ELMO3: variants seen among roughly 807,000 people sequenced by gnomAD.
The protein encoded by ELMO3 is engulfment and cell motility protein 3.
ELMO3 carries 81 observed loss-of-function variants against 89.0 expected under a neutral mutation model. The ratio of observed to expected loss-of-function variants is 0.91; its 90% confidence interval spans 0.76 to 1.09. The LOEUF is 1.09. Ranked by LOEUF, ELMO3 falls within the 50% of genes least tolerant of loss-of-function variation. ELMO3 has a pLI of 0.00. For missense variants in ELMO3, 959 were observed against 972.8 expected, an observed-to-expected ratio of 0.99 and a Z score of 0.19; for synonymous variants, 406 against 400.6, an observed-to-expected ratio of 1.01 and a Z score of -0.16.
Position 67,199,742 on chromosome 16 carries a change from T to G in ELMO3, c.178T>G (p.Tyr60Asp). ...GCAGTTTGCGGATGGGCACCGGAGA[T>G]ACATCACCGAGAATGTGAGTCCCCT... ...ALQFADGHRR[Y>D]ITENNRAEIK... is the part of the protein sequence containing the mutation. The change falls in exon 3 of 20, where the codon TAC becomes GAC. Residue 60 changes from tyrosine (Y) to aspartate (D), a missense_variant. Transcript: ENST00000393997. 6.2e-7 allele frequency: 1 copy of G among 1,611,100 alleles called. No homozygotes were observed. The highest frequency in any genetic ancestry group is 8.5e-7 in the Non-Finnish European group (1 of 1,179,704).
At position 67,202,384 on chromosome 16, in the gene ELMO3, C is replaced by G; in HGVS notation, c.1262-13C>G. ...CACTTTCTCCCTGAGCCCCTCCTGCCCCCCCACTCCAGGCTCTGAGACAGC... is the reference window on the plus strand; with the variant it reads ...CACTTTCTCCCTGAGCCCCTCCTGCGCCCCCACTCCAGGCTCTGAGACAGC... On this transcript the variant is annotated splice_polypyrimidine_tract_variant and intron_variant, in intron 13 of 19. Transcript: ENST00000393997. The G allele has an allele frequency of 6.2e-7, 1 of 1,613,730 alleles. No individual in the cohort carries two copies. The highest frequency in any genetic ancestry group is 8.5e-7 in the Non-Finnish European group (1 of 1,180,006).
intron 7 of ELMO3, 30 bp downstream of exon 7, chr16:67,200,838 A>G (rs73586989): frequency 0.074 from 118,811 of 1,613,150 alleles, 6,341 homozygotes; most frequent in African/African-American, 0.27. Flanking sequence ...GTCCAGATGC[A>G]GGGAGCAGGG....
chr16:67,201,992 C>T lies in ELMO3; in HGVS notation c.1066C>T (p.Gln356Ter), dbSNP rs776713369. The change falls in exon 12 of 20, where the codon CAG (glutamine) becomes TAG (stop). Residue 356 changes from glutamine (Q) to a stop codon, truncating the protein, a stop_gained. Transcript: ENST00000393997. LOFTEE classifies it high-confidence loss of function. ...KLGFSNSNPA[Q>*]DLERVPPGLL... ...CTTCCCCCAGAACAGCAACCCAGCA[C>T]AGGACCTGGAGCGCGTGCCCCCCGG... 6.2e-7 allele frequency: 1 copy of T among 1,613,308 alleles called. No homozygotes were observed.
Position 67,200,747 on chromosome 16 carries a change from G to T in ELMO3, c.604G>T (p.Ala202Ser), listed in dbSNP as rs1406943289. ...LLESVTLSSP[A>S]LGQLVKSEVP... ...GGAGAGTGTGACCTTGAGCAGCCCAGCCCTGGGCCAGCTGGTCAAGAGCGA... is the reference window on the plus strand; with the variant it reads ...GGAGAGTGTGACCTTGAGCAGCCCATCCCTGGGCCAGCTGGTCAAGAGCGA... The change falls in exon 7 of 20, where the codon GCC becomes TCC. Residue 202 changes from alanine to serine, a missense_variant. Ala to Ser is a moderately conservative substitution (Grantham distance 99). Transcript: ENST00000393997. 1.9e-6 allele frequency: 3 copies of T among 1,613,682 alleles called. No homozygotes were observed. The highest frequency in any genetic ancestry group is 2.5e-6 in the Non-Finnish European group (3 of 1,180,000).
chr16:67,200,571 C>CAG (rs1436837875), intron 6 of ELMO3, 21 bp downstream of exon 6: 2 of 1,613,222 alleles, frequency 1.2e-6, no homozygotes, highest in East Asian at 4.5e-5. Context: ...TTTCCTAGGG[C>CAG]AGCGGGTGGG....
At chr16:67,199,476 G>GGGCCCCCCCCCCCCCCCCC in intron 1 of ELMO3, 72 bp downstream of exon 1, 1 of 1,503,588 alleles carries the variant, frequency 6.7e-7, no homozygotes, top group Non-Finnish European at 9.0e-7. Flanking sequence ...CCTCGGGGCA[G>GGGCCCCCCCCCCCCCCCCC]CCCGCCCCAC....
In ELMO3 at chr16:67,199,244, CCCAGGGGCCCCAGG is replaced by C; in HGVS notation, c.-77_-64del. The C allele has an allele frequency of 6.2e-7, 1 of 1,611,398 alleles. No individual in the cohort carries two copies. The highest frequency in any genetic ancestry group is 1.1e-5 in the South Asian group (1 of 90,880). On this transcript the variant is annotated 5_prime_UTR_variant, in exon 1 of 20. Coordinates refer to ENST00000393997, the MANE Select transcript of ELMO3 (RefSeq NM_024712.5). The stretch of plus-strand genomic sequence containing the variant: ...CTCGGAAAGGGAGGACCTCCTCGTC[CCCAGGGGCCCCAGG>C]CCAGGTGCACCCTTGGCCGCAGGTG...
At position 67,201,587 on chromosome 16, in the gene ELMO3, T is replaced by A; in HGVS notation, c.863T>A (p.Leu288His). 1.9e-6 allele frequency: 3 copies of A among 1,613,950 alleles called. No individual in the cohort carries two copies. Among genetic ancestry groups the A allele is most frequent in the South Asian group, 1.1e-5 (1 of 91,090 alleles). The change falls in exon 10 of 20, where the codon CTC (leucine) becomes CAC (histidine). Residue 288 changes from leucine (L) to histidine (H), a missense_variant. Physicochemically the swap from Leu to His is moderately conservative, Grantham distance 99. Coordinates refer to ENST00000393997, the MANE Select transcript of ELMO3 (RefSeq NM_024712.5). The part of the protein sequence containing the change: ...MAHHLYVLQA[L>H]MLGLLEPRMR... ...CATCACCTGTACGTACTGCAGGCTC[T>A]CATGCTGGGGCTGCTGGAGCCGCGC... is the stretch of plus-strand genomic sequence containing the variant.
chr16:67,199,233 A>C lies in ELMO3; in HGVS notation c.-94A>C, dbSNP rs770618351. On this transcript the variant is annotated 5_prime_UTR_variant, in exon 1 of 20. Coordinates refer to ENST00000393997, the MANE Select transcript of ELMO3 (RefSeq NM_024712.5). ...CGAGGTCAGGTCTCGGAAAGGGAGG[A>C]CCTCCTCGTCCCCAGGGGCCCCAGG... 6.2e-7 allele frequency: 1 copy of C among 1,611,166 alleles called. No homozygotes were observed. Among genetic ancestry groups the C allele is most frequent in the South Asian group, 1.1e-5 (1 of 90,824 alleles).
chr16:67,201,349 G>C, intron 8 of ELMO3, 36 bp from the exon 9 acceptor site: 2 of 1,610,290 alleles, frequency 1.2e-6, no homozygotes, highest in Non-Finnish European at 1.7e-6. Context: ...GAGCCACCGC[G>C]CCCAGCCTAA....
In ELMO3 at chr16:67,200,523, G is replaced by A. The variant is rs2033076316; in HGVS notation, c.486G>A (p.Glu162=). 2 of 1,613,664 alleles carry A rather than the reference G, an allele frequency of 1.2e-6. No individual in the cohort carries two copies. The highest frequency in any genetic ancestry group is 1.1e-5 in the South Asian group (1 of 91,076). Residue 162 remains glutamate, a synonymous_variant, in exon 6 of 20, where the codon GAG becomes GAA. Transcript: ENST00000393997. ...TGGAGCACGGCGTGGTGTCCTGGGAGACTCTGAGCATCCCCTTTGTGAGGA... is the reference window on the plus strand; with the variant it reads ...TGGAGCACGGCGTGGTGTCCTGGGAAACTCTGAGCATCCCCTTTGTGAGGA... ...ELMEHGVVSW[E]TLSIPFVRKV... is the part of the protein sequence containing the mutation.
rs1421431661 is a variant in ELMO3 at position 67,200,015 on chromosome 16, C to T, written c.243+14C>T. 4 of 1,613,328 alleles carry T rather than the reference C, an allele frequency of 2.5e-6. No homozygotes were observed. The highest frequency in any genetic ancestry group is 2.2e-5 in the South Asian group (2 of 91,056). On this transcript the variant is annotated intron_variant, in intron 4 of 19. Coordinates refer to ENST00000393997, the MANE Select transcript of ELMO3 (RefSeq NM_024712.5). The stretch of plus-strand genomic sequence containing the variant: ...AGCACGGCCCCAGTAATGCCCCTCC[C>T]GTCCCGCCTTCCCCATCCCTGCCCC...
Position 67,202,676 on chromosome 16 carries a change from C to T in ELMO3, c.1448C>T (p.Pro483Leu), listed in dbSNP as rs774445352. The T allele has an allele frequency of 3.1e-6, 5 of 1,613,678 alleles. No homozygotes were observed. The East Asian group carries it at 8.9e-5, about 29-fold the overall frequency. Residue 483 changes from proline (P) to leucine (L), a missense_variant, in exon 15 of 20, where the codon CCC (proline) becomes CTC (leucine). Transcript: ENST00000393997. Reference protein sequence around the residue: ...EQLARTLALKPTSLELFRTKV... With the variant: ...EQLARTLALKLTSLELFRTKV... ...CTGGCCCGCACTCTGGCCCTGAAGC[C>T]CACTTCCCTGGAGCTCTTCCGAACC...
chr16:67,201,447 T>A lies in ELMO3; in HGVS notation c.795+12T>A. On this transcript the variant is annotated intron_variant, in intron 9 of 19. Transcript: ENST00000393997. Reference sequence around the variant, plus strand: ...AGTTCATCTATAAGGTAGGAAGTGGTGGGCCAGGGGGACCTCTCTGCCCCT... The same window carrying A: ...AGTTCATCTATAAGGTAGGAAGTGGAGGGCCAGGGGGACCTCTCTGCCCCT... The A allele has an allele frequency of 1.2e-6, 2 of 1,614,026 alleles. No individual in the cohort carries two copies. Among genetic ancestry groups the A allele is most frequent in the Non-Finnish European group, 1.7e-6 (2 of 1,180,004 alleles).
At position 67,202,750 on chromosome 16, in the gene ELMO3, G is replaced by C. The variant is rs780304197; in HGVS notation, c.1522G>C (p.Glu508Gln). 2 of 1,613,590 alleles carry C rather than the reference G, an allele frequency of 1.2e-6. No individual in the cohort carries two copies. The highest frequency in any genetic ancestry group is 1.7e-5 in the Admixed American group (1 of 60,014). ...YGEVLRLRQT[E>Q]RLHQEGTLAP... ...GGAGGTGCTGCGGCTGCGGCAGACT[G>C]AACGGCTGCACCAGGAGGGCACACT... Residue 508 changes from glutamate (E) to glutamine (Q), a missense_variant, in exon 15 of 20, where the codon GAA becomes CAA. Transcript: ENST00000393997.
rs1479188425 is a variant in ELMO3, at chr16:67,199,415, T to G, written c.78+11T>G. 1 of 1,603,114 alleles carries G rather than the reference T, an allele frequency of 6.2e-7. No individual in the cohort carries two copies. The highest frequency in any genetic ancestry group is 1.1e-5 in the South Asian group (1 of 91,024). On this transcript the variant is annotated intron_variant, in intron 1 of 19. Coordinates refer to ENST00000393997, the MANE Select transcript of ELMO3 (RefSeq NM_024712.5). Reference sequence around the variant, plus strand: ...ATCCAGCTGGACCAGGTCACCCGGCTGGTCCCGCCTCCATCTGCCCCACTG... The same window carrying G: ...ATCCAGCTGGACCAGGTCACCCGGCGGGTCCCGCCTCCATCTGCCCCACTG...
At chr16:67,202,823 C>T (rs763969901) in intron 15 of ELMO3, 33 bp downstream of exon 15, 13 of 1,611,786 alleles carry the variant, frequency 8.1e-6, no homozygotes, top group Admixed American at 1.7e-5. Context: ...TCAGTCCTAG[C>T]CCTACCTTCC....
rs780853368 is a variant in ELMO3, at chr16:67,201,884, C to T, written c.1050+11C>T. ...AAACTGGGCTTTTCTGTGAGTATCA[C>T]CCCTACCCAACTCCCCACCCCTGCC... On this transcript the variant is annotated intron_variant, in intron 11 of 19. Transcript: ENST00000393997. 8 of 1,604,118 alleles carry T rather than the reference C, an allele frequency of 5.0e-6. No individual in the cohort carries two copies. Among genetic ancestry groups the T allele is most frequent in the Admixed American group, 3.4e-5 (2 of 59,672 alleles).
At chr16:67,199,467 C>A in intron 1 of ELMO3, 63 bp downstream of exon 1, 1 of 1,586,790 alleles carries the variant, frequency 6.3e-7, no homozygotes, top group African/African-American at 1.3e-5. Context: ...CCCCCTGGCC[C>A]TCGGGGCAGC....
Sources: allele counts gnomAD v4.1 joint callset, GRCh38; gene constraint gnomAD v4.1.1; transcripts MANE v1.5; gene names NCBI Gene and HGNC (gene_info 2026-07-23, HGNC 2026-07-21).